Variants in CCDC194 observed in about 807,000 individuals in gnomAD.
The protein encoded by CCDC194 is coiled-coil domain containing 194.
Under a neutral mutation model 4.9 loss-of-function variants are expected in CCDC194, and 8 were observed. The observed-to-expected ratio is 1.65, with a 90% CI of 0.97 to 2.97. CCDC194 has a LOEUF of 2.97. Among genes scored for constraint, CCDC194 ranks in the 30% most tolerant of loss-of-function variants. The pLI is 0.00. For missense variants in CCDC194, 52 were observed against 43.1 expected (o/e 1.21, Z -0.58); for synonymous variants, 13 against 17.0 (o/e 0.76, Z 0.58).
At position 17,390,817 on chromosome 19, in the gene CCDC194, G is replaced by A. The variant is rs909311158; in HGVS notation, c.555-158C>T. ...TCCCCAGGATCCGGCATCCGTTCTC[G>A]ACCCCCAGCCATTCCCGGGACGCCT... On this transcript the variant is annotated intron_variant, in intron 3 of 3. Transcript: ENST00000636079. This position sits in a 1 kb window ranked among gnomAD's most constrained non-coding sequence, Gnocchi z 5.5. Among the ~76,000 whole-genome samples the A allele has an allele frequency of 2.6e-5, 4 of 151,844 alleles. No individual in the cohort carries two copies. The highest frequency in any genetic ancestry group is 4.4e-5 in the Non-Finnish European group (3 of 67,942).
downstream of CCDC194, among the ~76,000 whole-genome samples, chr19:17,388,634 C>T (rs2074644043): frequency 6.6e-6 from 1 of 151,954 alleles, no homozygotes; most frequent in Admixed American, 6.6e-5. Context: ...CACCTGAGCT[C>T]AAGTGATCCA....
In CCDC194 at chr19:17,391,998, A is replaced by G. The variant is rs979835861; in HGVS notation, c.325-152T>C. 4.2e-6 allele frequency: 3 copies of G among 710,856 alleles called. No homozygotes were observed. The African/African-American group carries it at 5.5e-5, about 13-fold the overall frequency. 44.0% of individuals were successfully genotyped at this position (710,856 alleles called of 1,614,324 possible). On this transcript the variant is annotated intron_variant, in intron 1 of 3. Transcript: ENST00000636079. ...CTTTGGGGCCTTGTAGTTGTAAAAT[A>G]CAGAAGTGGCTTCTGAAGCCTGGGG...
chr19:17,389,216 T>G (rs778758918), downstream of CCDC194, among the ~76,000 whole-genome samples: 2 of 152,182 alleles, frequency 1.3e-5, no homozygotes, highest in Non-Finnish European at 2.9e-5. Flanking sequence ...AACCTTTGTG[T>G]TGTTAAGGAG....
At chr19:17,392,725 G>GATTTATTT (rs200522904) in intron 1 of CCDC194, among the ~76,000 whole-genome samples, 1 of 151,950 alleles carries the variant, frequency 6.6e-6, no homozygotes, top group African/African-American at 2.4e-5. Flanking sequence ...GGTTTATTTG[G>GATTTATTT]ATTTATTTAT....
chr19:17,392,892 G>A (rs945909623), intron 1 of CCDC194, among the ~76,000 whole-genome samples: 1 of 152,174 alleles, frequency 6.6e-6, no homozygotes, highest in African/African-American at 2.4e-5. Flanking sequence ...ACATTGGCCA[G>A]GCTGGTCTCG....
chr19:17,390,458 C>A, downstream of CCDC194: 1 of 391,430 alleles, frequency 2.6e-6, no homozygotes, highest in Non-Finnish European at 4.5e-6. The surrounding 1 kb of genome is among the most constrained non-coding windows in gnomAD (Gnocchi z 5.5). Context: ...CGCAGACCCC[C>A]CCCCCATATG....
chr19:17,391,077 A>G lies in CCDC194; in HGVS notation c.554+134T>C, dbSNP rs1172175914. 7 of 270,320 alleles carry G rather than the reference A, an allele frequency of 2.6e-5. No homozygotes were observed. The African/African-American group carries it at 3.2e-4, about 12-fold the overall frequency. The allele number at this position is 270,320 out of a possible 1,614,324, so 16.7% of individuals were successfully genotyped here. ...TCCAATTCCAGGATCCCCCTATTAAATCAACAATGCCCCCCCCCCACCACA... is the reference window on the plus strand; with the variant it reads ...TCCAATTCCAGGATCCCCCTATTAAGTCAACAATGCCCCCCCCCCACCACA... On this transcript the variant is annotated intron_variant, in intron 3 of 3. Transcript: ENST00000636079.
At chr19:17,390,495 G>T, downstream of CCDC194, 1 of 392,214 alleles carries the variant, frequency 2.5e-6, no homozygotes, top group Non-Finnish European at 4.5e-6. This position sits in a 1 kb window ranked among gnomAD's most constrained non-coding sequence, Gnocchi z 5.5. Context: ...GCCCCCTTCC[G>T]GCAGGGGGCC....
At chr19:17,393,976 G>T (rs2074664734) in exon 1 of CCDC194, 2 of 393,904 alleles carry the variant, frequency 5.1e-6, no homozygotes, top group Non-Finnish European at 9.0e-6. Context: ...CAGGCGGCGG[G>T]TCCCCGGGCG....
chr19:17,392,647 A>T (rs2074659182), intron 1 of CCDC194, among the ~76,000 whole-genome samples: 1 of 152,168 alleles, frequency 6.6e-6, no homozygotes, highest in Admixed American at 6.5e-5. Flanking sequence ...CTGTACTTGG[A>T]GTAGGATCCT....
At chr19:17,391,071 T>G in intron 3 of CCDC194, 140 bp downstream of exon 3, 1 of 330,100 alleles carries the variant, frequency 3.0e-6, no homozygotes, top group Non-Finnish European at 5.1e-6. Context: ...AGGATCCCCC[T>G]ATTAAATCAA....
intron 1 of CCDC194, among the ~76,000 whole-genome samples, chr19:17,392,871 G>A (rs2074660011): frequency 6.6e-6 from 1 of 152,124 alleles, no homozygotes. Context: ...TAGTAGAGAC[G>A]GGTTTTCACC....
intron 1 of CCDC194, among the ~76,000 whole-genome samples, chr19:17,393,508 C>A (rs565852018): frequency 2.0e-5 from 3 of 151,304 alleles, no homozygotes; most frequent in Non-Finnish European, 4.4e-5. Context: ...CCCGCGTTAG[C>A]CTCCTGAGGA....
chr19:17,393,376 CTTTTTTTTTTT>C (rs551933814), intron 1 of CCDC194, among the ~76,000 whole-genome samples: 7 of 115,422 alleles, frequency 6.1e-5, no homozygotes, highest in East Asian at 5.7e-4. Context: ...GACAGTGAGA[CTTTTTTTTTTT>C]TTTTTTTTTT....
chr19:17,392,961 C>T (rs1235778711), intron 1 of CCDC194, among the ~76,000 whole-genome samples: 3 of 152,172 alleles, frequency 2.0e-5, no homozygotes, highest in Non-Finnish European at 4.4e-5. Flanking sequence ...GGATTACAGG[C>T]GTGAGCCACT....
chr19:17,389,501 A>G (rs1390749639), downstream of CCDC194, among the ~76,000 whole-genome samples: 2 of 152,118 alleles, frequency 1.3e-5, no homozygotes, highest in African/African-American at 4.8e-5. Context: ...TACTCCCAGA[A>G]AAAAAACTAC....
exon 2 of CCDC194, chr19:17,391,801 C>T (rs1303288883): frequency 4.6e-6 from 7 of 1,535,498 alleles, no homozygotes; most frequent in Non-Finnish European, 5.2e-6. Flanking sequence ...GCCTTGGCTT[C>T]GTCCATCTCA....
At chr19:17,390,487 C>G (rs2074649973), downstream of CCDC194, 1 of 392,916 alleles carries the variant, frequency 2.5e-6, no homozygotes, top group Non-Finnish European at 4.5e-6. This position sits in a 1 kb window ranked among gnomAD's most constrained non-coding sequence, Gnocchi z 5.5. Flanking sequence ...AGGCCGACGC[C>G]CCCTTCCGGC....
chr19:17,394,115 A>G (rs1240459757), exon 1 of CCDC194: 11 of 393,130 alleles, frequency 2.8e-5, no homozygotes, highest in Non-Finnish European at 4.5e-5. Flanking sequence ...GCACAGGGCG[A>G]GCACCCGCCA....
Sources: gnomAD v4.1 joint callset for allele counts (sites outside exome capture counted in the v4.1 genomes callset) on GRCh38, gnomAD v4.1.1 for gene constraint, Gnocchi (gnomAD v3.1) non-coding constraint, MANE v1.5 for transcripts, NCBI Gene and HGNC (gene_info 2026-07-23, HGNC 2026-07-21) for gene names.